CDH4: variants seen among roughly 807,000 people sequenced by gnomAD.
The protein encoded by CDH4 is cadherin 4.
Under a neutral mutation model 86.0 loss-of-function variants are expected in CDH4, and 33 were observed. That is an observed-to-expected ratio of 0.38 (90% CI 0.29 to 0.51). The LOEUF is 0.51. Among genes scored for constraint, CDH4 ranks in the 20% least tolerant of loss-of-function variants. The pLI is 0.86. For missense variants in CDH4, 1,114 were observed against 1,307.4 expected (o/e 0.85, Z 2.28); for synonymous variants, 555 against 549.4 (o/e 1.01, Z -0.14).
At chr20:61,839,328 G>A (rs564261734) in intron 4 of CDH4, among the ~76,000 whole-genome samples, 1 of 151,858 alleles carries the variant, frequency 6.6e-6, no homozygotes, top group South Asian at 2.1e-4. Flanking sequence ...GTGTGTGTTC[G>A]TGCGTATGCA....
intron 2 of CDH4, among the ~76,000 whole-genome samples, chr20:61,259,394 T>G (rs992153296): frequency 6.6e-6 from 1 of 152,198 alleles, no homozygotes; most frequent in African/African-American, 2.4e-5. Context: ...GGCAGACACA[T>G]GCTAGATACA....
At chr20:61,890,359 G>A (rs1984765429) in intron 7 of CDH4, among the ~76,000 whole-genome samples, 2 of 151,300 alleles carry the variant, frequency 1.3e-5, no homozygotes, top group Non-Finnish European at 2.9e-5. Context: ...ATGGATAGAT[G>A]GATAATGGAT....
intron 2 of CDH4, among the ~76,000 whole-genome samples, chr20:61,409,751 T>C (rs182347481): frequency 6.6e-6 from 1 of 152,372 alleles, no homozygotes; most frequent in East Asian, 1.9e-4. Flanking sequence ...TTTTCTAATA[T>C]TCCCAATTTG....
intron 9 of CDH4, among the ~76,000 whole-genome samples, chr20:61,918,894 G>A (rs903078791): frequency 2.6e-5 from 4 of 152,040 alleles, no homozygotes; most frequent in Non-Finnish European, 4.4e-5. Flanking sequence ...TTTTTGAGAC[G>A]AGGTCTTACT....
intron 2 of CDH4, among the ~76,000 whole-genome samples, chr20:61,550,023 T>C (rs566520501): frequency 6.6e-6 from 1 of 151,264 alleles, no homozygotes; most frequent in Admixed American, 6.6e-5. Context: ...CCTGGCCTCC[T>C]TGTCCTGGCC....
chr20:61,929,450 T>C (rs112258498), intron 12 of CDH4, among the ~76,000 whole-genome samples, 159 bp from the exon 13 acceptor site: 35 of 152,372 alleles, frequency 2.3e-4, no homozygotes, highest in African/African-American at 7.5e-4. Context: ...CAATGTCTTT[T>C]AACTTAATGA....
intron 4 of CDH4, among the ~76,000 whole-genome samples, chr20:61,815,529 T>C (rs1181395253): frequency 6.6e-6 from 1 of 152,212 alleles, no homozygotes; most frequent in Non-Finnish European, 1.5e-5. Flanking sequence ...GCCTCTGTCC[T>C]GAGCCTCTGA....
chr20:61,589,836 A>G (rs996721966), intron 2 of CDH4, among the ~76,000 whole-genome samples: 36 of 151,614 alleles, frequency 2.4e-4, no homozygotes, highest in African/African-American at 6.6e-4. Flanking sequence ...AAAAAAAAAA[A>G]AAAGAAAGAC....
At chr20:61,634,122 G>GGA (rs2086922924) in intron 2 of CDH4, among the ~76,000 whole-genome samples, 1 of 152,162 alleles carries the variant, frequency 6.6e-6, no homozygotes. Context: ...TCAGTGGGTT[G>GGA]TTTAGGATTA....
intron 2 of CDH4, among the ~76,000 whole-genome samples, chr20:61,613,034 C>T (rs934765996): frequency 2.0e-5 from 3 of 152,096 alleles, no homozygotes; most frequent in Non-Finnish European, 4.4e-5. Context: ...TTAGAGGTCC[C>T]TGCTTGCCCA....
At chr20:61,576,661 C>T (rs576099830) in intron 2 of CDH4, among the ~76,000 whole-genome samples, 2 of 152,340 alleles carry the variant, frequency 1.3e-5, no homozygotes, top group South Asian at 4.1e-4. Context: ...CAGATGGAGC[C>T]TTGTGAGTTA....
chr20:61,839,595 ATT>A (rs1982055163), intron 4 of CDH4, among the ~76,000 whole-genome samples: 2 of 148,798 alleles, frequency 1.3e-5, no homozygotes, highest in Non-Finnish European at 1.5e-5. Context: ...GTGTATGTGT[ATT>A]GAGTGTATGT....
intron 2 of CDH4, among the ~76,000 whole-genome samples, chr20:61,589,627 C>T (rs1469610914): frequency 6.6e-6 from 1 of 152,118 alleles, no homozygotes; most frequent in Non-Finnish European, 1.5e-5. Flanking sequence ...AAGTAATGTG[C>T]TGGATGGCAA....
At chr20:61,490,523 AC>A (rs1410041408) in intron 2 of CDH4, among the ~76,000 whole-genome samples, 2 of 151,990 alleles carry the variant, frequency 1.3e-5, no homozygotes, top group Non-Finnish European at 2.9e-5. Flanking sequence ...ACGTGGTGAA[AC>A]CCTGTCTCTA....
intron 2 of CDH4, among the ~76,000 whole-genome samples, chr20:61,688,504 C>G (rs1422940999): frequency 6.6e-6 from 1 of 152,240 alleles, no homozygotes; most frequent in Non-Finnish European, 1.5e-5. Context: ...GCAGCACTAA[C>G]TCTTGGTCCC....
chr20:61,816,801 G>A (rs1463164001), intron 4 of CDH4, among the ~76,000 whole-genome samples: 1 of 152,218 alleles, frequency 6.6e-6, no homozygotes, highest in Non-Finnish European at 1.5e-5. Flanking sequence ...GCTGGGCCCA[G>A]GCCTGGGACA....
chr20:61,731,678 G>A (rs1600924633), intron 2 of CDH4, among the ~76,000 whole-genome samples: 1 of 152,246 alleles, frequency 6.6e-6, no homozygotes, highest in Non-Finnish European at 1.5e-5. Flanking sequence ...GTTGGGATGG[G>A]CAGGCCCCGT....
intron 2 of CDH4, among the ~76,000 whole-genome samples, chr20:61,737,565 A>G (rs928560673): frequency 6.6e-6 from 1 of 152,184 alleles, no homozygotes; most frequent in East Asian, 1.9e-4. Context: ...CCCTGGCCTC[A>G]GCCTGTGCGG....
At chr20:61,273,256 G>A (rs2084195768) in intron 2 of CDH4, among the ~76,000 whole-genome samples, 2 of 139,232 alleles carry the variant, frequency 1.4e-5, no homozygotes, top group African/African-American at 5.5e-5. Context: ...TGCAGTTTAG[G>A]GGAGTACCGT....
Sources: allele counts gnomAD v4.1 joint callset (sites outside exome capture counted in the v4.1 genomes callset), GRCh38; gene constraint gnomAD v4.1.1; transcripts MANE v1.5; gene names NCBI Gene and HGNC (gene_info 2026-07-23, HGNC 2026-07-21).